Variants in HSD17B12 observed in about 807,000 individuals in gnomAD.
HSD17B12 encodes very-long-chain 3-oxoacyl-CoA reductase.
HSD17B12 carries 32 observed loss-of-function variants against 39.3 expected under a neutral mutation model. The ratio of observed to expected loss-of-function variants is 0.81; its 90% CI spans 0.61 to 1.09. The LOEUF is 1.09. HSD17B12 is among the 50% of genes least tolerant of loss of function. The probability of loss-of-function intolerance (pLI) is 0.00; values close to 1 mark genes in which losing one functional copy is unlikely to be tolerated. For synonymous variants in HSD17B12, 150 were observed against 146.7 expected, an observed-to-expected ratio of 1.02 and a Z score of -0.16; for missense variants, 342 against 382.9, an observed-to-expected ratio of 0.89 and a Z score of 0.89.
chr11:43,572,545 A>G, the HSD17B12 span, among the ~76,000 whole-genome samples: 4 of 152,196 alleles, frequency 2.6e-5, no homozygotes, highest in South Asian at 8.3e-4. Flanking sequence ...TGTAACTTCA[A>G]GTTCTAAGAC....
At chr11:43,580,135 A>C in the HSD17B12 span, among the ~76,000 whole-genome samples, 1 of 151,276 alleles carries the variant, frequency 6.6e-6, no homozygotes. Context: ...GCAACCCCTC[A>C]AAGTTTGGAT....
intron 1 of HSD17B12, chr11:43,734,047 C>T (rs1398223212): frequency 8.7e-6 from 7 of 806,436 alleles, no homozygotes; most frequent in African/African-American, 1.7e-5. Flanking sequence ...CTCTTCCGGC[C>T]TATCGCTAGC....
intron 1 of HSD17B12, chr11:43,718,859 C>T (rs1020520795): frequency 1.3e-5 from 11 of 878,938 alleles, no homozygotes; most frequent in African/African-American, 6.5e-5. Flanking sequence ...CAAATATCCT[C>T]GGAAAAGCAC....
the HSD17B12 span, among the ~76,000 whole-genome samples, chr11:43,628,924 A>T: frequency 6.6e-6 from 1 of 152,152 alleles, no homozygotes; most frequent in Non-Finnish European, 1.5e-5. Context: ...TATGGGCTAT[A>T]TGATATGAGC....
At chr11:43,809,648 G>A (rs367746983) in intron 4 of HSD17B12, among the ~76,000 whole-genome samples, 3 of 151,934 alleles carry the variant, frequency 2.0e-5, no homozygotes, top group Admixed American at 1.3e-4. Flanking sequence ...GAGAAACCCC[G>A]TCTCTACTAA....
At chr11:43,687,064 G>T (rs1949807608) in intron 1 of HSD17B12, among the ~76,000 whole-genome samples, 1 of 152,162 alleles carries the variant, frequency 6.6e-6, no homozygotes, top group Non-Finnish European at 1.5e-5. Context: ...AGTTTAGAAT[G>T]CATGGGTAAA....
intron 1 of HSD17B12, among the ~76,000 whole-genome samples, chr11:43,705,990 A>G (rs1247533938): frequency 6.6e-6 from 1 of 151,670 alleles, no homozygotes; most frequent in African/African-American, 2.4e-5. Context: ...AGATTTCTTT[A>G]TTTTTAAAAT....
chr11:43,620,970 C>G, the HSD17B12 span, among the ~76,000 whole-genome samples: 365 of 152,304 alleles, frequency 2.4e-3, 1 homozygote, highest in African/African-American at 8.1e-3. Context: ...CACAATGTTC[C>G]TTAAATCACC....
chr11:43,712,717 C>T (rs1362679788), intron 1 of HSD17B12, among the ~76,000 whole-genome samples: 6 of 152,082 alleles, frequency 3.9e-5, no homozygotes, highest in South Asian at 2.1e-4. Flanking sequence ...GTCATGGGTG[C>T]GTCCTTAACG....
chr11:43,838,541 T>C (rs939509643), intron 8 of HSD17B12, 143 bp downstream of exon 8: 4 of 641,414 alleles, frequency 6.2e-6, no homozygotes, highest in Non-Finnish European at 1.1e-5. Flanking sequence ...AATACCCTAC[T>C]TGAGTTTCAA....
intron 1 of HSD17B12, among the ~76,000 whole-genome samples, chr11:43,695,166 C>T (rs749810632): frequency 5.3e-5 from 8 of 152,018 alleles, no homozygotes; most frequent in Non-Finnish European, 1.0e-4. Flanking sequence ...AAACACTGGA[C>T]TAGCCCTAGA....
chr11:43,751,947 CAGGT>C (rs1950468685), intron 2 of HSD17B12, among the ~76,000 whole-genome samples: 1 of 152,138 alleles, frequency 6.6e-6, no homozygotes, highest in Admixed American at 6.5e-5. Flanking sequence ...AGCCCTTATG[CAGGT>C]TTCCGGTTGC....
chr11:43,810,198 A>C (rs1395369271), intron 4 of HSD17B12, among the ~76,000 whole-genome samples: 2 of 152,074 alleles, frequency 1.3e-5, no homozygotes, highest in African/African-American at 4.8e-5. Context: ...CCAAAAATCT[A>C]ATTTTCTGAT....
chr11:43,794,449 A>T (rs1412392167), intron 3 of HSD17B12, among the ~76,000 whole-genome samples: 1 of 152,244 alleles, frequency 6.6e-6, no homozygotes, highest in East Asian at 1.9e-4. Context: ...AAGTTTTTAA[A>T]AAAGAAGAAC....
At chr11:43,770,344 A>G (rs1229389836) in intron 3 of HSD17B12, among the ~76,000 whole-genome samples, 2 of 152,200 alleles carry the variant, frequency 1.3e-5, no homozygotes, top group African/African-American at 4.8e-5. Context: ...GCTCCTGTCA[A>G]GTTAGCCCAG....
the HSD17B12 span, among the ~76,000 whole-genome samples, chr11:43,612,658 G>A: frequency 7.2e-5 from 11 of 152,234 alleles, no homozygotes; most frequent in Admixed American, 3.9e-4. Context: ...CACCCACCTC[G>A]GCCTCCCAAA....
At chr11:43,653,572 C>G in the HSD17B12 span, among the ~76,000 whole-genome samples, 4 of 151,960 alleles carry the variant, frequency 2.6e-5, no homozygotes, top group Non-Finnish European at 5.9e-5. Context: ...CACAACAGTC[C>G]CCGGTGTGTG....
At chr11:43,698,049 G>A (rs567348759) in intron 1 of HSD17B12, among the ~76,000 whole-genome samples, 8 of 152,264 alleles carry the variant, frequency 5.3e-5, no homozygotes, top group African/African-American at 1.7e-4. Context: ...ACCAGGCATT[G>A]GGTGGTGGTG....
chr11:43,854,963 T>C, intron 10 of HSD17B12, 99 bp downstream of exon 10: 2 of 1,266,220 alleles, frequency 1.6e-6, no homozygotes, highest in Non-Finnish European at 2.2e-6. Flanking sequence ...CACATATACA[T>C]TGTCCAGCCA....
Sources: allele counts gnomAD v4.1 joint callset (sites outside exome capture counted in the v4.1 genomes callset), GRCh38; gene constraint gnomAD v4.1.1; transcripts MANE v1.5; gene names NCBI Gene and HGNC (gene_info 2026-07-23, HGNC 2026-07-21).